Variants in ACTR3C observed in about 807,000 individuals in gnomAD.
ACTR3C encodes actin-related protein 3C.
In ACTR3C, 18 loss-of-function variants were observed where a neutral mutation model predicts 26.3. The ratio of observed to expected loss-of-function variants is 0.68; its 90% CI spans 0.47 to 1.01. The LOEUF (loss-of-function observed/expected upper bound fraction) is 1.01. ACTR3C is among the 50% of genes least tolerant of loss of function. ACTR3C has a pLI of 0.00. For synonymous variants in ACTR3C, 55 were observed against 94.5 expected, an observed-to-expected ratio of 0.58 and a Z score of 2.42; for missense variants, 184 against 250.7, an observed-to-expected ratio of 0.73 and a Z score of 1.80.
chr7:150,045,504 C>T, the ACTR3C span, among the ~76,000 whole-genome samples: 1 of 150,382 alleles, frequency 6.6e-6, no homozygotes. Context: ...ATATATATAT[C>T]GGGAGTATAC....
chr7:150,047,847 G>T, the ACTR3C span: 2 of 1,507,824 alleles, frequency 1.3e-6, no homozygotes, highest in Non-Finnish European at 1.8e-6. Flanking sequence ...CTGGTACAGC[G>T]AAGCCATCGG....
At chr7:150,268,156 ACT>A (rs1309438355) in intron 6 of ACTR3C, among the ~76,000 whole-genome samples, 1 of 150,614 alleles carries the variant, frequency 6.6e-6, no homozygotes, top group Non-Finnish European at 1.5e-5. Context: ...ACAGTCTCTA[ACT>A]CTTCATTTCT....
the ACTR3C span, among the ~76,000 whole-genome samples, chr7:150,220,829 C>A: frequency 2.6e-5 from 4 of 152,288 alleles, no homozygotes; most frequent in Non-Finnish European, 4.4e-5. Flanking sequence ...TCTTTCCACA[C>A]CCCCCTCACC....
the ACTR3C span, among the ~76,000 whole-genome samples, chr7:150,038,807 C>T: frequency 3.3e-4 from 47 of 141,750 alleles, no homozygotes; most frequent in Middle Eastern, 3.6e-3. Context: ...GCGGGGGGTG[C>T]CTCCCCCCTC....
chr7:149,976,105 A>G, the ACTR3C span, among the ~76,000 whole-genome samples: 1 of 152,238 alleles, frequency 6.6e-6, no homozygotes, highest in African/African-American at 2.4e-5. Flanking sequence ...AGAGTTCCTC[A>G]TGTGTACTGT....
At chr7:149,960,467 T>G in the ACTR3C span, among the ~76,000 whole-genome samples, 1 of 152,096 alleles carries the variant, frequency 6.6e-6, no homozygotes, top group South Asian at 2.1e-4. Flanking sequence ...CAAGCCCACT[T>G]TTAAATTTAA....
the ACTR3C span, among the ~76,000 whole-genome samples, chr7:150,047,104 C>T: frequency 1.3e-5 from 2 of 151,130 alleles, no homozygotes; most frequent in African/African-American, 4.9e-5. Flanking sequence ...AGAAGAGGAA[C>T]GAAGGAGAGG....
At chr7:150,099,743 A>G in the ACTR3C span, among the ~76,000 whole-genome samples, 2 of 151,406 alleles carry the variant, frequency 1.3e-5, no homozygotes, top group Admixed American at 6.6e-5. Flanking sequence ...CTTAGGGTGG[A>G]TCTCTGGGTC....
chr7:150,029,046 A>C, the ACTR3C span, among the ~76,000 whole-genome samples: 1 of 151,708 alleles, frequency 6.6e-6, no homozygotes, highest in Admixed American at 6.6e-5. Flanking sequence ...GTAATCTCTC[A>C]ATTCTTATTA....
chr7:150,065,218 A>C, the ACTR3C span, among the ~76,000 whole-genome samples: 3 of 152,162 alleles, frequency 2.0e-5, no homozygotes, highest in Non-Finnish European at 4.4e-5. Flanking sequence ...AAATAAAGTA[A>C]ATCAGTAGCA....
At chr7:150,060,432 T>C in the ACTR3C span, among the ~76,000 whole-genome samples, 359 of 152,324 alleles carry the variant, frequency 2.4e-3, 1 homozygote, top group African/African-American at 8.4e-3. Context: ...TTCTTCTTAC[T>C]GCTTCTCTTT....
intron 6 of ACTR3C, among the ~76,000 whole-genome samples, chr7:150,255,374 G>C (rs1025977424): frequency 5.9e-5 from 9 of 151,548 alleles, no homozygotes; most frequent in African/African-American, 2.2e-4. Flanking sequence ...GATTTAGTAG[G>C]GTTTTGACTT....
chr7:149,910,462 A>AG, the ACTR3C span, among the ~76,000 whole-genome samples: 1,068 of 152,016 alleles, frequency 7.0e-3, 7 homozygotes, highest in African/African-American at 0.022. Context: ...TAAATATAAA[A>AG]GGGGGGGTGG....
At chr7:150,239,889 C>A (rs938467711), downstream of ACTR3C, among the ~76,000 whole-genome samples, 1 of 151,886 alleles carries the variant, frequency 6.6e-6, no homozygotes, top group African/African-American at 2.4e-5. Flanking sequence ...GTAGCTGAGA[C>A]CACAGGCAGG....
At chr7:150,107,095 G>A in the ACTR3C span, among the ~76,000 whole-genome samples, 2 of 144,260 alleles carry the variant, frequency 1.4e-5, no homozygotes, top group Non-Finnish European at 3.0e-5. Flanking sequence ...GGGGTGGGGT[G>A]GGGACAAATG....
chr7:150,103,889 T>C, the ACTR3C span, among the ~76,000 whole-genome samples: 1 of 152,004 alleles, frequency 6.6e-6, no homozygotes, highest in Admixed American at 6.6e-5. Context: ...TGAATATCTA[T>C]TTTATTAACT....
At chr7:149,967,539 T>C in the ACTR3C span, among the ~76,000 whole-genome samples, 2 of 152,186 alleles carry the variant, frequency 1.3e-5, no homozygotes, top group Non-Finnish European at 2.9e-5. Context: ...GGGCCCCCTG[T>C]TGCTTTCTGC....
the ACTR3C span, among the ~76,000 whole-genome samples, chr7:150,093,338 C>A: frequency 6.6e-6 from 1 of 151,134 alleles, no homozygotes; most frequent in Non-Finnish European, 1.5e-5. Context: ...ACTTTGAAAA[C>A]CACTATTGTA....
At chr7:149,950,641 G>A in the ACTR3C span, among the ~76,000 whole-genome samples, 1 of 145,852 alleles carries the variant, frequency 6.9e-6, no homozygotes, top group Admixed American at 6.8e-5. Context: ...GGCAGTTTTG[G>A]AGAGGGTGCT....
Sources: gnomAD v4.1 joint callset for allele counts (sites outside exome capture counted in the v4.1 genomes callset) on GRCh38, gnomAD v4.1.1 for gene constraint, MANE v1.5 for transcripts, NCBI Gene and HGNC (gene_info 2026-07-23, HGNC 2026-07-21) for gene names.